The following KCNMA1 variants were observed in gnomAD, a reference collection of about 807,000 sequenced individuals.
KCNMA1 encodes Calcium-activated potassium channel subunit alpha-1.
KCNMA1 carries 29 observed loss-of-function variants against 140.0 expected under a neutral mutation model. That is an observed-to-expected ratio of 0.21 (90% CI 0.15 to 0.28). The LOEUF is 0.28. KCNMA1 is among the 10% of genes least tolerant of loss of function. The probability of loss-of-function intolerance (pLI) is 1.00; values close to 1 mark genes in which losing one functional copy is unlikely to be tolerated. For synonymous variants in KCNMA1, 612 were observed against 611.9 expected, an observed-to-expected ratio of 1.00 and a Z score of 0.00; for missense variants, 880 against 1,602.2, an observed-to-expected ratio of 0.55 and a Z score of 7.70.
At chr10:77,128,291 A>C (rs1048730554) in intron 5 of KCNMA1, among the ~76,000 whole-genome samples, 1 of 151,878 alleles carries the variant, frequency 6.6e-6, no homozygotes, top group African/African-American at 2.4e-5. Flanking sequence ...GTCAAATTTT[A>C]CTTAAGGTGG....
chr10:76,941,057 A>AAGAAAGAAAGAAAGAAAG (rs1565060473), intron 23 of KCNMA1, among the ~76,000 whole-genome samples: 1 of 89,154 alleles, frequency 1.1e-5, no homozygotes. Flanking sequence ...AAGAAAGAGA[A>AAGAAAGAAAGAAAGAAAG]AGAAAGAAAG....
At chr10:77,582,881 C>T (rs1185332914) in intron 1 of KCNMA1, among the ~76,000 whole-genome samples, 2 of 152,230 alleles carry the variant, frequency 1.3e-5, no homozygotes, top group Admixed American at 6.5e-5. Context: ...ATGGGGCAAG[C>T]CACCAGCCAG....
chr10:77,358,298 T>C (rs2093669216), intron 2 of KCNMA1, among the ~76,000 whole-genome samples: 1 of 152,202 alleles, frequency 6.6e-6, no homozygotes, highest in South Asian at 2.1e-4. Context: ...ACCAGTCTTT[T>C]TCTGCTAGTG....
intron 1 of KCNMA1, among the ~76,000 whole-genome samples, chr10:77,572,471 G>A (rs1395769720): frequency 3.4e-5 from 5 of 146,524 alleles, no homozygotes; most frequent in Admixed American, 6.9e-5. Context: ...TCAATAATAC[G>A]TTTGGGAGGC....
intron 1 of KCNMA1, among the ~76,000 whole-genome samples, chr10:77,457,639 C>T (rs934988688): frequency 2.0e-5 from 3 of 152,062 alleles, no homozygotes; most frequent in African/African-American, 7.2e-5. Context: ...AACTAGTTCC[C>T]CATATAAACT....
chr10:77,560,925 C>T (rs1427391173), intron 1 of KCNMA1, among the ~76,000 whole-genome samples: 1 of 152,228 alleles, frequency 6.6e-6, no homozygotes, highest in African/African-American at 2.4e-5. Flanking sequence ...GCAGATGCTT[C>T]TGCTCTTTAG....
At chr10:76,934,384 T>C (rs547341986) in intron 23 of KCNMA1, among the ~76,000 whole-genome samples, 12 of 152,344 alleles carry the variant, frequency 7.9e-5, no homozygotes, top group African/African-American at 1.9e-4. Flanking sequence ...CTATAGAGAA[T>C]AGGTGAAGAC....
At chr10:77,380,340 T>C (rs1347399743) in intron 2 of KCNMA1, among the ~76,000 whole-genome samples, 2 of 152,168 alleles carry the variant, frequency 1.3e-5, no homozygotes, top group African/African-American at 2.4e-5. Context: ...GAGTCGTCTT[T>C]AGGAAGCCCA....
intron 2 of KCNMA1, among the ~76,000 whole-genome samples, chr10:77,251,938 A>C (rs1311393637): frequency 6.6e-6 from 1 of 152,216 alleles, no homozygotes; most frequent in Non-Finnish European, 1.5e-5. Context: ...CCGTGTGTGT[A>C]TGTGTGGACA....
chr10:77,440,376 GC>G (rs2097369940), intron 1 of KCNMA1, among the ~76,000 whole-genome samples: 1 of 152,136 alleles, frequency 6.6e-6, no homozygotes, highest in Non-Finnish European at 1.5e-5. Context: ...CTTTCCTAAG[GC>G]CACAGGGTTA....
At chr10:77,476,435 C>T (rs554530269) in intron 1 of KCNMA1, among the ~76,000 whole-genome samples, 1 of 152,192 alleles carries the variant, frequency 6.6e-6, no homozygotes, top group South Asian at 2.1e-4. Context: ...TTTGCAAGCC[C>T]AGCATTGGTG....
At chr10:77,206,206 A>G (rs2044053327) in intron 3 of KCNMA1, among the ~76,000 whole-genome samples, 1 of 152,242 alleles carries the variant, frequency 6.6e-6, no homozygotes, top group African/African-American at 2.4e-5. Flanking sequence ...TGCTAAGACA[A>G]TTAAATTAAT....
chr10:77,091,603 C>T (rs1341581522), intron 9 of KCNMA1: 1 of 152,214 alleles, frequency 6.6e-6, no homozygotes, highest in Non-Finnish European at 1.5e-5. Context: ...CCCTGTGCCC[C>T]CCAGGCTCAT....
At chr10:77,154,593 C>T (rs2098461655) in intron 5 of KCNMA1, among the ~76,000 whole-genome samples, 1 of 152,140 alleles carries the variant, frequency 6.6e-6, no homozygotes, top group South Asian at 2.1e-4. Context: ...GTGTAGCTAC[C>T]TCTCTACAGG....
At chr10:77,199,829 T>C (rs2041885350) in intron 3 of KCNMA1, among the ~76,000 whole-genome samples, 1 of 152,156 alleles carries the variant, frequency 6.6e-6, no homozygotes, top group Non-Finnish European at 1.5e-5. Flanking sequence ...AAGTAGATTG[T>C]AAGGTTGGCA....
chr10:77,008,725 A>C (rs1008159884), intron 18 of KCNMA1, among the ~76,000 whole-genome samples: 7 of 152,302 alleles, frequency 4.6e-5, no homozygotes, highest in Non-Finnish European at 7.4e-5. Flanking sequence ...CTCTGCCCTC[A>C]TGGGATCTAC....
At chr10:77,087,394 A>G (rs1267018613) in intron 10 of KCNMA1, among the ~76,000 whole-genome samples, 1 of 152,196 alleles carries the variant, frequency 6.6e-6, no homozygotes, top group African/African-American at 2.4e-5. Flanking sequence ...ATTGATATAT[A>G]TATTTCCTAT....
intron 1 of KCNMA1, among the ~76,000 whole-genome samples, chr10:77,404,342 A>G (rs2096391905): frequency 6.6e-6 from 1 of 152,064 alleles, no homozygotes. Flanking sequence ...GCAGTGGCGC[A>G]ATCTCGGCTC....
chr10:77,281,971 T>C lies in KCNMA1; in HGVS notation c.541-30715A>G, dbSNP rs536576765. ...ATGTGTCTGGGTGTTACGATAACCA[T>C]GATAATAAAAGCCAGGGAGACCTCA... On this transcript the variant is annotated intron_variant, in intron 2 of 27. Transcript: ENST00000286628. Among the ~76,000 whole-genome samples the C allele has an allele frequency of 2.6e-5, 4 of 152,282 alleles. No individual in the cohort carries two copies. The South Asian group carries it at 8.3e-4, about 32-fold the overall frequency.
Sources: allele counts gnomAD v4.1 joint callset (sites outside exome capture counted in the v4.1 genomes callset), GRCh38; gene constraint gnomAD v4.1.1; transcripts MANE v1.5; gene names NCBI Gene and HGNC (gene_info 2026-07-23, HGNC 2026-07-21).